DLGAP2: variants seen among roughly 807,000 people sequenced by gnomAD.
DLGAP2 encodes disks large-associated protein 2.
In DLGAP2, 26 loss-of-function variants were observed where a neutral mutation model predicts 100.3. The ratio of observed to expected loss-of-function variants is 0.26; its 90% CI spans 0.19 to 0.36. DLGAP2 has a LOEUF of 0.36. DLGAP2 is among the 10% of genes least tolerant of loss of function. The probability of loss-of-function intolerance (pLI) is 1.00; values close to 1 mark genes in which losing one functional copy is unlikely to be tolerated. For synonymous variants in DLGAP2, 886 were observed against 630.1 expected, an observed-to-expected ratio of 1.41 and a Z score of -6.08; for missense variants, 1,858 against 1,453.2, an observed-to-expected ratio of 1.28 and a Z score of -4.53.
At chr8:1,462,791 C>T (rs1022496517) in intron 3 of DLGAP2, among the ~76,000 whole-genome samples, 6 of 152,188 alleles carry the variant, frequency 3.9e-5, no homozygotes, top group South Asian at 2.1e-4. Context: ...GCCTCATCTC[C>T]GTGAGATACA....
chr8:1,343,672 G>T (rs7839281), intron 3 of DLGAP2, among the ~76,000 whole-genome samples: 69,941 of 151,754 alleles, frequency 0.46, 16,418 homozygotes, highest in East Asian at 0.63. Context: ...AAATGGTTCC[G>T]CAGTCAGCTT....
chr8:958,882 C>G (rs187340432), intron 2 of DLGAP2, among the ~76,000 whole-genome samples: 7 of 152,266 alleles, frequency 4.6e-5, no homozygotes, highest in Admixed American at 2.0e-4. Flanking sequence ...CTTATACATA[C>G]AAACTATGCA....
intron 1 of DLGAP2, among the ~76,000 whole-genome samples, chr8:764,682 A>G (rs899938320): frequency 6.6e-6 from 1 of 152,204 alleles, no homozygotes; most frequent in East Asian, 1.9e-4. Context: ...CGTAAGTACC[A>G]TAAAACTGGC....
At chr8:1,033,177 G>A (rs1802021602) in intron 2 of DLGAP2, among the ~76,000 whole-genome samples, 2 of 151,962 alleles carry the variant, frequency 1.3e-5, no homozygotes, top group South Asian at 4.2e-4. Flanking sequence ...GATGCATGCT[G>A]TGACTGATCA....
intron 2 of DLGAP2, among the ~76,000 whole-genome samples, chr8:1,244,712 G>C (rs919987631): frequency 6.6e-6 from 1 of 152,164 alleles, no homozygotes; most frequent in African/African-American, 2.4e-5. Context: ...CTTAGATTAA[G>C]CAGTGGTTTC....
intron 1 of DLGAP2, among the ~76,000 whole-genome samples, chr8:867,789 A>T (rs1473047771): frequency 6.6e-6 from 1 of 152,216 alleles, no homozygotes; most frequent in Admixed American, 6.5e-5. Context: ...GAAGCTTTGA[A>T]TGATTCTGTT....
At chr8:1,321,340 C>T (rs542194705) in intron 3 of DLGAP2, among the ~76,000 whole-genome samples, 1 of 151,284 alleles carries the variant, frequency 6.6e-6, no homozygotes, top group Non-Finnish European at 1.5e-5. Flanking sequence ...CTGTGTGTCT[C>T]TGCATGTGCT....
chr8:1,565,627 A>T, intron 5 of DLGAP2, 56 bp from the exon 6 acceptor site: 1 of 1,426,138 alleles, frequency 7.0e-7, no homozygotes, highest in Non-Finnish European at 9.6e-7. Flanking sequence ...AAAGGAGCTG[A>T]TGCTGCCGTT....
intron 6 of DLGAP2, among the ~76,000 whole-genome samples, chr8:1,617,809 C>A (rs576011341): frequency 1.3e-4 from 20 of 152,206 alleles, no homozygotes; most frequent in African/African-American, 4.1e-4. Context: ...CGAGCTAAAG[C>A]TCAATGTTAA....
intron 2 of DLGAP2, among the ~76,000 whole-genome samples, chr8:1,188,629 C>G (rs935835212): frequency 2.3e-4 from 35 of 152,116 alleles, no homozygotes; most frequent in Middle Eastern, 3.2e-3. Flanking sequence ...CGGAATCTCA[C>G]AGCTCCTCCC....
chr8:1,428,432 A>G (rs561204723), intron 3 of DLGAP2, among the ~76,000 whole-genome samples: 230 of 152,216 alleles, frequency 1.5e-3, no homozygotes, highest in African/African-American at 5.3e-3. Flanking sequence ...GAGAGAGAGA[A>G]AGAGTGAGTG....
intron 2 of DLGAP2, among the ~76,000 whole-genome samples, chr8:1,096,500 C>G (rs1249472558): frequency 6.6e-6 from 1 of 151,464 alleles, no homozygotes; most frequent in South Asian, 2.1e-4. Context: ...AGGGACTCAT[C>G]AAGCTCTGTG....
rs559339786 is a variant in DLGAP2 at position 905,715 on chromosome 8, G to A, written c.19-2197G>A. On this transcript the variant is annotated intron_variant, in intron 1 of 14. Transcript: ENST00000637795. ...TTGGAGGGGTGGTCACGGGAGCTGC[G>A]GCATTTGAGGGGGGCGCCAGCTCCC... 7.9e-5 allele frequency among the ~76,000 whole-genome samples: 12 copies of A among 152,216 alleles called. No individual in the cohort carries two copies. In the East Asian group the frequency reaches 2.3e-3, roughly 30 times the overall value.
chr8:1,045,261 A>G (rs11776346), intron 2 of DLGAP2, among the ~76,000 whole-genome samples: 2,080 of 152,290 alleles, frequency 0.014, 19 homozygotes, highest in Middle Eastern at 0.024. Context: ...GTATCCACCT[A>G]ATAGTTTGGT....
intron 6 of DLGAP2, among the ~76,000 whole-genome samples, chr8:1,617,008 G>C (rs925265066): frequency 3.0e-4 from 45 of 152,164 alleles, no homozygotes; most frequent in Non-Finnish European, 5.9e-4. Flanking sequence ...CCCTGTGTTA[G>C]TTTGCTAAGG....
intron 1 of DLGAP2, among the ~76,000 whole-genome samples, chr8:873,837 G>A (rs1406439115): frequency 2.0e-5 from 3 of 152,194 alleles, no homozygotes; most frequent in Non-Finnish European, 4.4e-5. Flanking sequence ...CAGTAGAGAT[G>A]TCGTCTGGGC....
chr8:1,221,945 G>T (rs1031959978), intron 2 of DLGAP2, among the ~76,000 whole-genome samples: 1 of 152,064 alleles, frequency 6.6e-6, no homozygotes, highest in Non-Finnish European at 1.5e-5. Context: ...TTTATTTCCA[G>T]TTCTGTTTGG....
At chr8:1,512,237 C>A (rs1800191123) in intron 4 of DLGAP2, among the ~76,000 whole-genome samples, 1 of 152,186 alleles carries the variant, frequency 6.6e-6, no homozygotes, top group Non-Finnish European at 1.5e-5. Flanking sequence ...AATGTGTGCT[C>A]CTCCCCATAA....
chr8:1,252,727 G>A (rs1016501520), intron 2 of DLGAP2, among the ~76,000 whole-genome samples: 2 of 152,262 alleles, frequency 1.3e-5, no homozygotes, highest in Non-Finnish European at 1.5e-5. Flanking sequence ...ATGGCGGCCA[G>A]GCAGGCCTGC....
Sources: gnomAD v4.1 joint callset for allele counts (sites outside exome capture counted in the v4.1 genomes callset) on GRCh38, gnomAD v4.1.1 for gene constraint, MANE v1.5 for transcripts, NCBI Gene and HGNC (gene_info 2026-07-23, HGNC 2026-07-21) for gene names.